ZBTB5: variants seen among roughly 807,000 people sequenced by gnomAD.
ZBTB5 encodes the protein zinc finger and BTB domain containing 5, also known as zinc finger and BTB domain-containing protein 5.
In ZBTB5, 15 loss-of-function variants were observed where a neutral mutation model predicts 37.9. The observed-to-expected ratio is 0.40, with a 90% confidence interval of 0.26 to 0.61. ZBTB5 has a LOEUF of 0.61. Among genes scored for constraint, ZBTB5 ranks in the 20% least tolerant of loss-of-function variants. ZBTB5 has a pLI of 0.47. For synonymous variants in ZBTB5, 315 were observed against 312.4 expected, an observed-to-expected ratio of 1.01 and a Z score of -0.09; for missense variants, 708 against 856.8, an observed-to-expected ratio of 0.83 and a Z score of 2.17.
chr9:37,440,314 G>A lies in ZBTB5; in HGVS notation c.*204C>T, dbSNP rs903077677. On this transcript the variant is annotated 3_prime_UTR_variant, in exon 2 of 2. Coordinates refer to ENST00000307750, the MANE Select transcript of ZBTB5 (RefSeq NM_014872.3). ...ACCCCAAGGAAGCACCTGGTTTCAG[G>A]GATTGCATCCCTTTCCCAAGACGTG... 3.6e-6 allele frequency: 2 copies of A among 558,434 alleles called. No homozygotes were observed. Among genetic ancestry groups the A allele is most frequent in the East Asian group, 2.9e-5 (1 of 34,634 alleles). 34.6% of individuals were successfully genotyped at this position (558,434 alleles called of 1,614,324 possible). A position where few individuals can be genotyped will look rare whatever the true frequency, so the allele number is the denominator to read the frequency against.
chr9:37,464,589 CTG>C (rs925598949), intron 1 of ZBTB5, among the ~76,000 whole-genome samples: 27 of 152,218 alleles, frequency 1.8e-4, no homozygotes, highest in African/African-American at 6.3e-4. Flanking sequence ...ACATACAAAT[CTG>C]TCCTCCAAAC....
At chr9:37,446,116 A>C (rs1256871617) in intron 1 of ZBTB5, among the ~76,000 whole-genome samples, 1 of 152,226 alleles carries the variant, frequency 6.6e-6, no homozygotes, top group Non-Finnish European at 1.5e-5. Flanking sequence ...CAAATAAATA[A>C]ATACATAAAA....
At chr9:37,446,818 G>A (rs899087367) in intron 1 of ZBTB5, among the ~76,000 whole-genome samples, 1 of 152,186 alleles carries the variant, frequency 6.6e-6, no homozygotes, top group Non-Finnish European at 1.5e-5. Context: ...ACTCATATAT[G>A]AATAAGTGCC....
chr9:37,456,829 A>T (rs1824196810), intron 1 of ZBTB5, among the ~76,000 whole-genome samples: 1 of 152,242 alleles, frequency 6.6e-6, no homozygotes, highest in Non-Finnish European at 1.5e-5. Context: ...ATGAAGTATA[A>T]TGTATTACCC....
At position 37,445,838 on chromosome 9, in the gene ZBTB5, T is replaced by C. The variant is rs189303078; in HGVS notation, c.-4-3283A>G. On this transcript the variant is annotated intron_variant, in intron 1 of 1. Transcript: ENST00000307750. ...ACTATAGGCTGGGTGTGGTAGCTCA[T>C]GGCTGTAATCCTAACCCTTTGGGAG... is the stretch of plus-strand genomic sequence containing the variant. Among the ~76,000 whole-genome samples, 263 of 152,250 alleles carry C rather than the reference T, an allele frequency of 1.7e-3. 1 individual carries two copies. Among genetic ancestry groups the C allele is most frequent in the Non-Finnish European group, 3.3e-3 (222 of 68,024 alleles).
chr9:37,452,342 A>G (rs1399206639), intron 1 of ZBTB5, among the ~76,000 whole-genome samples: 1 of 152,220 alleles, frequency 6.6e-6, no homozygotes, highest in African/African-American at 2.4e-5. Context: ...GTTAAACCAA[A>G]TGCAGCATGA....
rs948968107 is a variant in ZBTB5, at chr9:37,460,228, G to A, written c.-5+4987C>T. 1.4e-4 allele frequency among the ~76,000 whole-genome samples: 21 copies of A among 148,982 alleles called. No individual in the cohort carries two copies. In the South Asian group the frequency reaches 3.0e-3, roughly 21 times the overall value. The stretch of plus-strand genomic sequence containing the variant: ...CGAGGCGGGTGGATCAACTGAGGTC[G>A]GAAGTTCGAAACTAGCCTGACCAAC... On this transcript the variant is annotated intron_variant, in intron 1 of 1. Coordinates refer to ENST00000307750, the MANE Select transcript of ZBTB5 (RefSeq NM_014872.3).
intron 1 of ZBTB5, among the ~76,000 whole-genome samples, chr9:37,448,246 T>C (rs537384863): frequency 1.4e-4 from 22 of 152,306 alleles, no homozygotes; most frequent in Non-Finnish European, 2.4e-4. Context: ...ACTCAAGTTC[T>C]CCACATTCCT....
In ZBTB5 at chr9:37,442,156, G is replaced by A. The variant is rs532709050; in HGVS notation, c.396C>T (p.Arg132=). Residue 132 remains arginine, a synonymous_variant, in exon 2 of 2, where the codon CGC becomes CGT. Coordinates refer to ENST00000307750, the MANE Select transcript of ZBTB5 (RefSeq NM_014872.3). ...GCATGCGGGCGCTCTGCTCCTGAAC[G>A]CGCTCACTGGGGGGAGACATGGGCA... The part of the protein sequence containing the change: ...RTLPMSPPSE[R]VQEQSARMQR... The A allele has an allele frequency of 4.5e-5, 73 of 1,614,226 alleles. No individual in the cohort carries two copies. In the South Asian group the frequency reaches 7.1e-4, roughly 16 times the overall value.
chr9:37,463,883 A>G (rs1337412350), intron 1 of ZBTB5, among the ~76,000 whole-genome samples: 2 of 152,086 alleles, frequency 1.3e-5, no homozygotes, highest in African/African-American at 4.8e-5. Context: ...ATTCAGCAAA[A>G]CCCAAGGGCC....
intron 1 of ZBTB5, among the ~76,000 whole-genome samples, chr9:37,455,891 G>C (rs1170840786): frequency 6.6e-6 from 1 of 151,186 alleles, no homozygotes; most frequent in Non-Finnish European, 1.5e-5. Flanking sequence ...GGCTGCTTTT[G>C]AACTCCAGCG....
At chr9:37,453,350 CT>C (rs35497538) in intron 1 of ZBTB5, among the ~76,000 whole-genome samples, 41 of 145,794 alleles carry the variant, frequency 2.8e-4, no homozygotes, top group Admixed American at 4.1e-4. Flanking sequence ...CCACACGCAG[CT>C]TTTTTTTTTT....
Position 37,440,824 on chromosome 9 carries a change from A to G in ZBTB5, c.1728T>C (p.Pro576=). ...GATSSFENGH[P]SQPGPPQLTR... ...TCAACTGTGGAGGGCCAGGCTGGGA[A>G]GGATGGCCATTTTCAAATGAGGACG... Residue 576 remains proline (P), a synonymous_variant, in exon 2 of 2, where the codon CCT becomes CCC. Transcript: ENST00000307750. 6.2e-7 allele frequency: 1 copy of G among 1,614,210 alleles called. No homozygotes were observed. The highest frequency in any genetic ancestry group is 8.5e-7 in the Non-Finnish European group (1 of 1,180,032).
In ZBTB5 at chr9:37,442,331, G is replaced by T; in HGVS notation, c.221C>A (p.Ala74Glu). 6.2e-7 allele frequency: 1 copy of T among 1,614,208 alleles called. No individual in the cohort carries two copies. Among genetic ancestry groups the T allele is most frequent in the Non-Finnish European group, 8.5e-7 (1 of 1,180,042 alleles). Residue 74 changes from alanine to glutamate, a missense_variant, in exon 2 of 2, where the codon GCA becomes GAA. By Grantham distance (107) the Ala-to-Glu change is moderately radical (BLOSUM62 -1). Coordinates refer to ENST00000307750, the MANE Select transcript of ZBTB5 (RefSeq NM_014872.3). ...GTCAATCAGTGCAGCAAAGGCCTCT[G>T]CTGTCACCACCTCGCTATCCAGCTG... is the stretch of plus-strand genomic sequence containing the variant. ...MIQLDSEVVT[A>E]EAFAALIDMM...
At chr9:37,444,459 CAA>C (rs1823940924) in intron 1 of ZBTB5, among the ~76,000 whole-genome samples, 1 of 152,156 alleles carries the variant, frequency 6.6e-6, no homozygotes, top group Admixed American at 6.5e-5. Flanking sequence ...CCTGGCATCC[CAA>C]AGTGCTGGGA....
intron 1 of ZBTB5, among the ~76,000 whole-genome samples, chr9:37,456,664 G>A (rs1035349489): frequency 2.0e-5 from 3 of 152,168 alleles, no homozygotes; most frequent in Admixed American, 6.5e-5. Flanking sequence ...ATAAGAAAAG[G>A]TATTAGTGCC....
chr9:37,446,516 T>C (rs557449218), intron 1 of ZBTB5, among the ~76,000 whole-genome samples: 1 of 152,254 alleles, frequency 6.6e-6, no homozygotes. Flanking sequence ...TTGTTGAGCT[T>C]TGATGAACTT....
intron 1 of ZBTB5, among the ~76,000 whole-genome samples, chr9:37,456,890 C>G (rs1313179378): frequency 6.6e-6 from 1 of 152,144 alleles, no homozygotes; most frequent in Non-Finnish European, 1.5e-5. Context: ...AGCCAAAAAC[C>G]AGAAGAAAAA....
chr9:37,465,226 T>C lies in ZBTB5; in HGVS notation c.-16A>G, dbSNP rs1824371117. 6.6e-6 allele frequency: 1 copy of C among 152,186 alleles called. No homozygotes were observed. The allele number at this position is 152,186 out of a possible 1,614,324, so 9.4% of individuals were successfully genotyped here. A position where few individuals can be genotyped will look rare whatever the true frequency, so the allele number is the denominator to read the frequency against. Reference sequence around the variant, plus strand: ...CGGGGTCTCCTCACCTGAGTCGGGCTCCGCCCCCCTCCTCCTCGCTGAAGG... The same window carrying C: ...CGGGGTCTCCTCACCTGAGTCGGGCCCCGCCCCCCTCCTCCTCGCTGAAGG... On this transcript the variant is annotated 5_prime_UTR_variant, in exon 1 of 2. Transcript: ENST00000307750.
Sources: gnomAD v4.1 joint callset for allele counts (sites outside exome capture counted in the v4.1 genomes callset) on GRCh38, gnomAD v4.1.1 for gene constraint, MANE v1.5 for transcripts, NCBI Gene and HGNC (gene_info 2026-07-23, HGNC 2026-07-21) for gene names.